GRPEL2: variants seen among roughly 807,000 people sequenced by gnomAD.
GRPEL2 encodes grpE protein homolog 2, mitochondrial.
In GRPEL2, 18 loss-of-function variants were observed where a neutral mutation model predicts 25.9. That is an observed-to-expected ratio of 0.70 (90% CI 0.48 to 1.03). The LOEUF (loss-of-function observed/expected upper bound fraction) is 1.03, where lower values mean the gene tolerates loss of function less well. Ranked by LOEUF, GRPEL2 falls within the 50% of genes least tolerant of loss-of-function variation. The probability of loss-of-function intolerance (pLI) is 0.00; values close to 1 mark genes in which losing one functional copy is unlikely to be tolerated. For synonymous variants in GRPEL2, 106 were observed against 107.9 expected, an observed-to-expected ratio of 0.98 and a Z score of 0.11; for missense variants, 247 against 276.2, an observed-to-expected ratio of 0.89 and a Z score of 0.75.
At chr5:149,349,837 A>G (rs1254646214) in intron 3 of GRPEL2, 102 bp downstream of exon 3, 1 of 826,690 alleles carries the variant, frequency 1.2e-6, no homozygotes, top group Admixed American at 2.1e-5. Flanking sequence ...ATCACATGAG[A>G]TCAGGATTCA....
chr5:149,347,157 A>G (rs1300310828), intron 1 of GRPEL2, among the ~76,000 whole-genome samples: 2 of 152,226 alleles, frequency 1.3e-5, no homozygotes, highest in Non-Finnish European at 2.9e-5. Flanking sequence ...GGAACTGTCT[A>G]TAAAATCACA....
At chr5:149,349,767 T>G (rs1484136482) in intron 3 of GRPEL2, 32 bp downstream of exon 3, 1 of 1,535,002 alleles carries the variant, frequency 6.5e-7, no homozygotes, top group Non-Finnish European at 9.0e-7. Context: ...AAAATGTCTT[T>G]GGTTGGGCAC....
chr5:149,345,983 C>T (rs978951917), intron 1 of GRPEL2, among the ~76,000 whole-genome samples: 3 of 152,228 alleles, frequency 2.0e-5, no homozygotes, highest in Admixed American at 6.5e-5. Context: ...TAAGGCCAGT[C>T]CTTTCTCCGT....
chr5:149,346,619 A>G (rs972091309), intron 1 of GRPEL2, among the ~76,000 whole-genome samples: 1 of 149,754 alleles, frequency 6.7e-6, no homozygotes, highest in Non-Finnish European at 1.5e-5. Flanking sequence ...TCCCTACTCC[A>G]GTTCTGAAGC....
In GRPEL2 at chr5:149,351,288, C is replaced by A. The variant is rs1757771589; in HGVS notation, c.*6C>A. The A allele has an allele frequency of 1.3e-6, 2 of 1,596,242 alleles. No individual in the cohort carries two copies. The highest frequency in any genetic ancestry group is 1.7e-6 in the Non-Finnish European group (2 of 1,168,264). On this transcript the variant is annotated 3_prime_UTR_variant, in exon 4 of 4. Coordinates refer to ENST00000329271, the MANE Select transcript of GRPEL2 (RefSeq NM_152407.4). ...AGTCTCAGAGAAGACTGTGAAGAGGCCATCAGGAACTGGATGTTCTCCCAG... is the reference window on the plus strand; with the variant it reads ...AGTCTCAGAGAAGACTGTGAAGAGGACATCAGGAACTGGATGTTCTCCCAG...
rs1757825016 is a variant in GRPEL2 at position 149,354,496 on chromosome 5, G to A, written c.*3214G>A. On this transcript the variant is annotated 3_prime_UTR_variant, in exon 4 of 4. Coordinates refer to ENST00000329271, the MANE Select transcript of GRPEL2 (RefSeq NM_152407.4). Reference sequence around the variant, plus strand: ...GCAAAATCAAATGAGCAAAACTAAGGATGAAATGTAATATTCATCAGAACA... The same window carrying A: ...GCAAAATCAAATGAGCAAAACTAAGAATGAAATGTAATATTCATCAGAACA... 6.6e-6 allele frequency: 1 copy of A among 152,172 alleles called. No homozygotes were observed. Among genetic ancestry groups the A allele is most frequent in the African/African-American group, 2.4e-5 (1 of 41,446 alleles). The allele number at this position is 152,172 out of a possible 1,614,324, so 9.4% of individuals were successfully genotyped here. A position where few individuals can be genotyped will look rare whatever the true frequency, so the allele number is the denominator to read the frequency against.
chr5:149,348,084 G>A (rs1757717188), intron 1 of GRPEL2, 188 bp from the exon 2 acceptor site: 7 of 528,336 alleles, frequency 1.3e-5, no homozygotes, highest in Admixed American at 3.6e-5. Context: ...GTTGTGAGAG[G>A]AAAAGATGAC....
At chr5:149,348,463 C>G in intron 2 of GRPEL2, 38 bp downstream of exon 2, 7 of 1,518,220 alleles carry the variant, frequency 4.6e-6, no homozygotes, top group Non-Finnish European at 6.2e-6. Flanking sequence ...TATCCTCTCT[C>G]TAGTTTAAAT....
In GRPEL2 at chr5:149,348,373, G is replaced by A. The variant is rs1757722158; in HGVS notation, c.179G>A (p.Arg60Gln). 4.3e-6 allele frequency: 7 copies of A among 1,613,584 alleles called. No individual in the cohort carries two copies. Among genetic ancestry groups the A allele is most frequent in the African/African-American group, 1.3e-5 (1 of 75,006 alleles). The change falls in exon 2 of 4, where the codon CGA becomes CAA. Residue 60 changes from arginine (R) to glutamine (Q), a missense_variant. Coordinates refer to ENST00000329271, the MANE Select transcript of GRPEL2 (RefSeq NM_152407.4). ...GAGCTTGGGCCCCCTCTTGCTGAAC[G>A]AGCCTTAAGGGTAAAAGCTGTTAAA... ...PDELGPPLAE[R>Q]ALRVKAVKLE...
At chr5:149,347,331 G>A (rs375446695) in intron 1 of GRPEL2, among the ~76,000 whole-genome samples, 2 of 152,086 alleles carry the variant, frequency 1.3e-5, no homozygotes, top group Non-Finnish European at 2.9e-5. Context: ...AGCTGTCTCC[G>A]TGAGGACCAC....
chr5:149,351,253 G>T lies in GRPEL2; in HGVS notation c.649G>T (p.Val217Leu), dbSNP rs1757769323. Residue 217 changes from valine to leucine, a missense_variant, in exon 4 of 4, where the codon GTG (valine) becomes TTG (leucine). This residue lies in a region of GRPEL2 where 122 missense variants were observed against 169.2 expected (regional missense o/e 0.72). Coordinates refer to ENST00000329271, the MANE Select transcript of GRPEL2 (RefSeq NM_152407.4). The stretch of plus-strand genomic sequence containing the variant: ...CACCATTAGGCTTGCCCGAGTGGAA[G>T]TGGCAGTGGAGTCTCAGAGAAGACT... ...GRTIRLARVE[V>L]AVESQRRL 2 of 1,610,414 alleles carry T rather than the reference G, an allele frequency of 1.2e-6. No homozygotes were observed. Among genetic ancestry groups the T allele is most frequent in the Non-Finnish European group, 8.5e-7 (1 of 1,177,026 alleles).
chr5:149,349,689 C>T lies in GRPEL2; in HGVS notation c.267C>T (p.Asn89=). 6.2e-7 allele frequency: 1 copy of T among 1,613,488 alleles called. No individual in the cohort carries two copies. Among genetic ancestry groups the T allele is most frequent in the Non-Finnish European group, 8.5e-7 (1 of 1,179,520 alleles). The change falls in exon 3 of 4, where the codon AAC becomes AAT. Residue 89 remains asparagine (N), a synonymous_variant. Transcript: ENST00000329271. ...RYQRAIADCE[N]IRRRTQRCVE... ...AGAGAGCTATAGCTGATTGTGAAAACATAAGGAGGCGAACCCAGAGATGTG... is the reference window on the plus strand; with the variant it reads ...AGAGAGCTATAGCTGATTGTGAAAATATAAGGAGGCGAACCCAGAGATGTG...
chr5:149,346,659 C>T (rs1757693927), intron 1 of GRPEL2, among the ~76,000 whole-genome samples: 1 of 151,104 alleles, frequency 6.6e-6, no homozygotes, highest in South Asian at 2.1e-4. Flanking sequence ...CACAACTCCC[C>T]AACCCTATTT....
chr5:149,345,550 G>A lies in GRPEL2; in HGVS notation c.11G>A (p.Arg4Gln). The change falls in exon 1 of 4, where the codon CGG becomes CAG. Residue 4 changes from arginine to glutamine, a missense_variant. Around this residue, in one of 2 missense-constraint regions of GRPEL2, gnomAD observed 125 missense variants for 107.0 expected, o/e 1.17. Transcript: ENST00000329271. Reference sequence around the variant, plus strand: ...GCCCAAATTGGAAACATGGCCGTACGGTCGCTGTGGGCGGGCCGGCTGCGG... The same window carrying A: ...GCCCAAATTGGAAACATGGCCGTACAGTCGCTGTGGGCGGGCCGGCTGCGG... MAV[R>Q]SLWAGRLRVQ... 1.2e-6 allele frequency: 2 copies of A among 1,611,518 alleles called. No homozygotes were observed. Among genetic ancestry groups the A allele is most frequent in the South Asian group, 1.1e-5 (1 of 90,434 alleles).
In GRPEL2 at chr5:149,349,665, G is replaced by C. The variant is rs151163426; in HGVS notation, c.243G>C (p.Gln81His). The change falls in exon 3 of 4, where the codon CAG (glutamine) becomes CAC (histidine). Residue 81 changes from glutamine (Q) to histidine (H), a missense_variant. Gln to His is a conservative substitution (Grantham distance 24, BLOSUM62 0). This residue lies in a region of GRPEL2 where 125 missense variants were observed against 107.0 expected (regional missense o/e 1.17). Transcript: ENST00000329271. The stretch of plus-strand genomic sequence containing the variant: ...CTTTTGATATTCAGGTGAGATACCA[G>C]AGAGCTATAGCTGATTGTGAAAACA... The part of the protein sequence containing the change: ...KEVQDLTVRY[Q>H]RAIADCENIR... 1.9e-6 allele frequency: 3 copies of C among 1,607,640 alleles called. No homozygotes were observed. Among genetic ancestry groups the C allele is most frequent in the African/African-American group, 1.3e-5 (1 of 74,554 alleles).
intron 1 of GRPEL2, 114 bp from the exon 2 acceptor site, chr5:149,348,158 G>T: frequency 2.1e-6 from 2 of 957,430 alleles, no homozygotes; most frequent in Non-Finnish European, 3.1e-6. Flanking sequence ...TACTATAACT[G>T]AAAACACTTT....
intron 1 of GRPEL2, 132 bp downstream of exon 1, chr5:149,345,748 G>T: frequency 1.4e-6 from 1 of 703,338 alleles, no homozygotes; most frequent in South Asian, 1.9e-5. Context: ...CGGCCTCTAC[G>T]ACCGTGCACT....
In GRPEL2 at chr5:149,352,233, A is replaced by ATT. The variant is rs1001248314; in HGVS notation, c.*959_*960dup. The ATT allele has an allele frequency of 6.6e-6, 1 of 151,130 alleles. No individual in the cohort carries two copies. Among genetic ancestry groups the ATT allele is most frequent in the Non-Finnish European group, 1.5e-5 (1 of 67,816 alleles). The allele number at this position is 151,130 out of a possible 1,614,324, so 9.4% of individuals were successfully genotyped here. A position where few individuals can be genotyped will look rare whatever the true frequency, so the allele number is the denominator to read the frequency against. ...TTCATTTATTAATAGTTAATGCTGA[A>ATT]TTTTTTTTTAAGTTTCCTCTGGCTC... On this transcript the variant is annotated 3_prime_UTR_variant, in exon 4 of 4. Transcript: ENST00000329271.
chr5:149,350,774 A>G, intron 3 of GRPEL2, 144 bp from the exon 4 acceptor site: 1 of 786,166 alleles, frequency 1.3e-6, no homozygotes, highest in Non-Finnish European at 2.1e-6. Context: ...GTAATCAGTG[A>G]TGATCTCTGA....
Sources: gnomAD v4.1 joint callset for allele counts (sites outside exome capture counted in the v4.1 genomes callset) on GRCh38, gnomAD v4.1.1 for gene constraint, gnomAD v4.1.1 regional missense constraint, MANE v1.5 for transcripts, NCBI Gene and HGNC (gene_info 2026-07-23, HGNC 2026-07-21) for gene names.